Variants in TBC1D10A observed in about 807,000 individuals in gnomAD.
The protein encoded by TBC1D10A is TBC1 domain family member 10A.
Under a neutral mutation model 52.9 loss-of-function variants are expected in TBC1D10A, and 24 were observed. The ratio of observed to expected loss-of-function variants is 0.45; its 90% confidence interval spans 0.33 to 0.64. TBC1D10A has a LOEUF of 0.64. Among genes scored for constraint, TBC1D10A ranks in the 30% least tolerant of loss-of-function variants. The pLI, the probability that TBC1D10A is intolerant of heterozygous loss-of-function variation, is 0.02. For synonymous variants in TBC1D10A, 278 were observed against 282.9 expected, an observed-to-expected ratio of 0.98 and a Z score of 0.17; for missense variants, 602 against 687.9, an observed-to-expected ratio of 0.88 and a Z score of 1.40.
At chr22:30,312,586 C>A (rs1930447994) in intron 1 of TBC1D10A, among the ~76,000 whole-genome samples, 1 of 152,106 alleles carries the variant, frequency 6.6e-6, no homozygotes, top group African/African-American at 2.4e-5. Flanking sequence ...ACAACAAAAA[C>A]AACACAAAAA....
intron 1 of TBC1D10A, among the ~76,000 whole-genome samples, chr22:30,312,304 C>A (rs1210238556): frequency 6.6e-6 from 1 of 152,178 alleles, no homozygotes; most frequent in East Asian, 1.9e-4. Flanking sequence ...TTATATAAGG[C>A]CCCTCCTCTG....
chr22:30,316,393 C>A (rs560719935), intron 1 of TBC1D10A, among the ~76,000 whole-genome samples: 2 of 152,206 alleles, frequency 1.3e-5, no homozygotes, highest in African/African-American at 4.8e-5. Context: ...GTGGCATGTG[C>A]CATGGTGACT....
At position 30,312,257 on chromosome 22, in the gene TBC1D10A, T is replaced by C. The variant is rs184437710; in HGVS notation, c.210-7627A>G. On this transcript the variant is annotated intron_variant, in intron 1 of 8. Coordinates refer to ENST00000215790, the MANE Select transcript of TBC1D10A (RefSeq NM_031937.3). ...ATCCTTACCAAACTGCTAGATCTCA[T>C]TGATAGATCTTACCAAAATTAGTCT... 7.8e-4 allele frequency among the ~76,000 whole-genome samples: 119 copies of C among 152,326 alleles called. 1 individual carries two copies. The highest frequency in any genetic ancestry group is 2.7e-3 in the African/African-American group (113 of 41,556).
chr22:30,313,550 A>ATTTTTTTTT (rs35640957), intron 1 of TBC1D10A, among the ~76,000 whole-genome samples: 1 of 42,200 alleles, frequency 2.4e-5, no homozygotes, highest in Non-Finnish European at 3.7e-5. Flanking sequence ...CGGCCAGCTA[A>ATTTTTTTTT]TTTTTTTTTT....
rs1358650828 is a variant in TBC1D10A, at chr22:30,292,615, C to A, written c.1287G>T (p.Lys429Asn). 1.9e-6 allele frequency: 3 copies of A among 1,613,314 alleles called. No homozygotes were observed. Among genetic ancestry groups the A allele is most frequent in the Non-Finnish European group, 2.5e-6 (3 of 1,179,678 alleles). The change falls in exon 9 of 9, where the codon AAG (lysine) becomes AAT (asparagine). Residue 429 changes from lysine (K) to asparagine (N), a missense_variant. Coordinates refer to ENST00000215790, the MANE Select transcript of TBC1D10A (RefSeq NM_031937.3). ...GTTTCCGCTGCTCCTTCTGGGCCTG[C>A]TTGGGTGGCTTGGGCTTGGCTTTGG... ...PGSKAKPKPP[K>N]QAQKEQRKQM...
intron 2 of TBC1D10A, among the ~76,000 whole-genome samples, chr22:30,303,268 G>A (rs148227110): frequency 0.017 from 2,635 of 152,236 alleles, 84 homozygotes; most frequent in African/African-American, 0.06. Context: ...GACAGAGTGA[G>A]ACCCTGTCTC....
At chr22:30,318,441 T>C (rs1258938915) in intron 1 of TBC1D10A, among the ~76,000 whole-genome samples, 1 of 152,188 alleles carries the variant, frequency 6.6e-6, no homozygotes, top group Admixed American at 6.5e-5. Flanking sequence ...CCCACTCTCC[T>C]GCTGGAAGGA....
chr22:30,294,972 G>A lies in TBC1D10A; in HGVS notation c.608C>T (p.Ala203Val). 6.2e-7 allele frequency: 1 copy of A among 1,614,052 alleles called. No individual in the cohort carries two copies. The highest frequency in any genetic ancestry group is 8.5e-7 in the Non-Finnish European group (1 of 1,180,038). The part of the protein sequence containing the change: ...EGYCQAQAPI[A>V]AVLLMHMPAE... ...AGGCATATGCATGAGCAAGACAGCG[G>A]CAATGGGCGCCTGGGCCTGGCAGTA... The change falls in exon 5 of 9, where the codon GCC (alanine) becomes GTC (valine). Residue 203 changes from alanine to valine, a missense_variant. This residue lies in a region of TBC1D10A where 136 missense variants were observed against 208.4 expected (regional missense o/e 0.65). Transcript: ENST00000215790.
At chr22:30,304,481 C>T in intron 2 of TBC1D10A, 50 bp downstream of exon 2, 1 of 1,612,198 alleles carries the variant, frequency 6.2e-7, no homozygotes, top group Non-Finnish European at 8.5e-7. Flanking sequence ...CTTCCTCCTC[C>T]TCCCCAAGCT....
intron 1 of TBC1D10A, among the ~76,000 whole-genome samples, chr22:30,313,890 C>A (rs1459520151): frequency 3.3e-5 from 5 of 151,992 alleles, no homozygotes; most frequent in African/African-American, 7.3e-5. Context: ...TCCTCAAAGC[C>A]CAGCACAGGG....
At chr22:30,296,029 C>T in intron 3 of TBC1D10A, 186 bp from the exon 4 acceptor site, 1 of 603,004 alleles carries the variant, frequency 1.7e-6, no homozygotes, top group Non-Finnish European at 2.9e-6. Flanking sequence ...TGGGCAGGGG[C>T]AAAGGGGCAA....
chr22:30,300,786 C>G (rs1202964569), intron 2 of TBC1D10A: 2 of 152,242 alleles, frequency 1.3e-5, no homozygotes, highest in Non-Finnish European at 2.9e-5. Flanking sequence ...ACATCACCAG[C>G]CTGGGGCATA....
chr22:30,293,908 C>T lies in TBC1D10A; in HGVS notation c.895+13G>A, dbSNP rs771244819. Reference sequence around the variant, plus strand: ...TGGGGACAGGGGTGCTCCCCCCAAGCCCAGCCCAGTACCTTCACAGAAGAA... The same window carrying T: ...TGGGGACAGGGGTGCTCCCCCCAAGTCCAGCCCAGTACCTTCACAGAAGAA... On this transcript the variant is annotated intron_variant, in intron 7 of 8. Coordinates refer to ENST00000215790, the MANE Select transcript of TBC1D10A (RefSeq NM_031937.3). 2 of 1,609,134 alleles carry T rather than the reference C, an allele frequency of 1.2e-6. No homozygotes were observed. Among genetic ancestry groups the T allele is most frequent in the Non-Finnish European group, 8.5e-7 (1 of 1,175,794 alleles).
intron 1 of TBC1D10A, among the ~76,000 whole-genome samples, chr22:30,320,259 G>A (rs1037036089): frequency 1.3e-5 from 2 of 152,104 alleles, no homozygotes; most frequent in Non-Finnish European, 2.9e-5. Flanking sequence ...CATGCTTCCA[G>A]GACCTCTCCA....
chr22:30,296,261 G>C (rs1165860633), intron 3 of TBC1D10A: 1 of 172,866 alleles, frequency 5.8e-6, no homozygotes, highest in African/African-American at 2.4e-5. Context: ...GGTACCTGTG[G>C]GCCTTACTGA....
At chr22:30,308,464 C>A (rs531317249) in intron 1 of TBC1D10A, among the ~76,000 whole-genome samples, 78 of 152,322 alleles carry the variant, frequency 5.1e-4, no homozygotes, top group African/African-American at 1.7e-3. Context: ...TACACACACA[C>A]AACCAGAATA....
In TBC1D10A at chr22:30,307,418, G is replaced by A. The variant is rs1930330955; in HGVS notation, c.210-2788C>T. On this transcript the variant is annotated intron_variant, in intron 1 of 8. Coordinates refer to ENST00000215790, the MANE Select transcript of TBC1D10A (RefSeq NM_031937.3). ...TGGGCCTTCCTTACCTCCAGGTGAAGTCACTCTATTGTTAAACAGTTTCCA... is the reference window on the plus strand; with the variant it reads ...TGGGCCTTCCTTACCTCCAGGTGAAATCACTCTATTGTTAAACAGTTTCCA... 7.9e-5 allele frequency among the ~76,000 whole-genome samples: 12 copies of A among 152,328 alleles called. No individual in the cohort carries two copies. The South Asian group carries it at 2.5e-3, about 32-fold the overall frequency.
Position 30,292,455 on chromosome 22 carries a change from C to T in TBC1D10A, c.1447G>A (p.Asp483Asn). The change falls in exon 9 of 9, where the codon GAT becomes AAT. Residue 483 changes from aspartate to asparagine, a missense_variant. Physicochemically the swap from Asp to Asn is conservative, Grantham distance 23. Transcript: ENST00000215790. The stretch of plus-strand genomic sequence containing the variant: ...TGGGCTGAGACCTGGGGAGCCAAAT[C>T]CTGAGGGGCTGAGTCCTTGGGGGCT... Reference protein sequence around the residue: ...DSAPKDSAPQDLAPQVSAHHR... With the variant: ...DSAPKDSAPQNLAPQVSAHHR... 6.2e-7 allele frequency: 1 copy of T among 1,603,434 alleles called. No homozygotes were observed. Among genetic ancestry groups the T allele is most frequent in the Non-Finnish European group, 8.5e-7 (1 of 1,174,108 alleles).
rs11089442 is a variant in TBC1D10A, at chr22:30,294,009, G to A, written c.807C>T (p.Leu269=). 0.16 allele frequency: 264,674 copies of A among 1,614,072 alleles called. 25,258 individuals are homozygous for A. The highest frequency in any genetic ancestry group is 0.34 in the South Asian group (30,605 of 91,084). Residue 269 remains leucine, a synonymous_variant, in exon 7 of 9, where the codon CTC becomes CTT. Coordinates refer to ENST00000215790, the MANE Select transcript of TBC1D10A (RefSeq NM_031937.3). ...HLSRQKIDPL[L]YMTEWFMCAF... is the part of the protein sequence containing the mutation. ...CGCACATGAACCATTCTGTCATATA[G>A]AGGAGCGGGTCGATCTTCTGACGGC... is the stretch of plus-strand genomic sequence containing the variant.
Sources: gnomAD v4.1 joint callset for allele counts (sites outside exome capture counted in the v4.1 genomes callset) on GRCh38, gnomAD v4.1.1 for gene constraint, gnomAD v4.1.1 regional missense constraint, MANE v1.5 for transcripts, NCBI Gene and HGNC (gene_info 2026-07-23, HGNC 2026-07-21) for gene names.